The following ERGIC1 variants were observed in gnomAD, a reference collection of about 807,000 sequenced individuals.
The protein encoded by ERGIC1 is endoplasmic reticulum-Golgi intermediate compartment protein 1.
A neutral mutation model predicts 38.3 loss-of-function variants in ERGIC1; 19 were observed. That is an observed-to-expected ratio of 0.50 (90% CI 0.35 to 0.73). ERGIC1 has a LOEUF of 0.73. Among genes scored for constraint, ERGIC1 ranks in the 30% least tolerant of loss-of-function variants. ERGIC1 has a pLI of 0.01. For synonymous variants in ERGIC1, 124 were observed against 157.6 expected (o/e 0.79, Z 1.60); for missense variants, 294 against 389.2 (o/e 0.76, Z 2.06).
At chr5:172,865,301 C>G (rs1761827016) in intron 1 of ERGIC1, among the ~76,000 whole-genome samples, 1 of 152,132 alleles carries the variant, frequency 6.6e-6, no homozygotes, top group Admixed American at 6.5e-5. Flanking sequence ...GGTGATCCAC[C>G]CGCCTTGGCC....
At chr5:172,949,655 C>G (rs113113305) in intron 9 of ERGIC1, among the ~76,000 whole-genome samples, 46 of 142,528 alleles carry the variant, frequency 3.2e-4, no homozygotes, top group South Asian at 9.1e-4. Flanking sequence ...CACAGCGTGG[C>G]GGGGGGGGGT....
intron 1 of ERGIC1, among the ~76,000 whole-genome samples, chr5:172,843,748 AT>A (rs1439355582): frequency 6.6e-6 from 1 of 152,158 alleles, no homozygotes; most frequent in African/African-American, 2.4e-5. Flanking sequence ...TGACCCTCAC[AT>A]TGCACTCATT....
intron 1 of ERGIC1, among the ~76,000 whole-genome samples, chr5:172,850,046 C>T (rs542302509): frequency 1.7e-4 from 26 of 152,196 alleles, no homozygotes; most frequent in Admixed American, 5.9e-4. Flanking sequence ...GTGTCAACGT[C>T]GTGTGCTGAT....
At chr5:172,864,033 A>G (rs1184455675) in intron 1 of ERGIC1, among the ~76,000 whole-genome samples, 1 of 152,046 alleles carries the variant, frequency 6.6e-6, no homozygotes, top group Non-Finnish European at 1.5e-5. Flanking sequence ...TCTCTCTACT[A>G]GAAATACAAA....
Position 172,837,286 on chromosome 5 carries a change from C to T in ERGIC1, c.20+2853C>T, listed in dbSNP as rs73803635. Among the ~76,000 whole-genome samples the T allele has an allele frequency of 0.011, 1,644 of 152,208 alleles. 30 individuals carry two copies. Among genetic ancestry groups the T allele is most frequent in the African/African-American group, 0.038 (1,566 of 41,508 alleles). On this transcript the variant is annotated intron_variant, in intron 1 of 9. Coordinates refer to ENST00000393784, the MANE Select transcript of ERGIC1 (RefSeq NM_001031711.3). The surrounding 1 kb of genome is among the most constrained non-coding windows in gnomAD (Gnocchi z 4.3). ...AAATGGGAATGAGGAGAGTACTCAC[C>T]GAAGTAGAACAGTTGAGGGATGAGG...
At chr5:172,910,165 C>T (rs1258741623) in intron 4 of ERGIC1, among the ~76,000 whole-genome samples, 1 of 152,178 alleles carries the variant, frequency 6.6e-6, no homozygotes, top group African/African-American at 2.4e-5. Context: ...CCTGATCTCA[C>T]AGGATGCTGT....
chr5:172,927,579 C>CTT (rs35565131), intron 7 of ERGIC1, among the ~76,000 whole-genome samples: 20 of 131,266 alleles, frequency 1.5e-4, no homozygotes, highest in African/African-American at 3.7e-4. Flanking sequence ...CTCTGCTGTG[C>CTT]TTTTTTTTTT....
At chr5:172,841,274 A>G (rs993437238) in intron 1 of ERGIC1, among the ~76,000 whole-genome samples, 1 of 152,204 alleles carries the variant, frequency 6.6e-6, no homozygotes, top group East Asian at 1.9e-4. Flanking sequence ...GGGTGAACTC[A>G]GGGTTCTCCA....
chr5:172,908,815 A>T (rs906631880), intron 3 of ERGIC1, among the ~76,000 whole-genome samples: 1 of 152,228 alleles, frequency 6.6e-6, no homozygotes, highest in Non-Finnish European at 1.5e-5. Context: ...CAGGAAATTA[A>T]TACAGCCGTC....
chr5:172,909,781 C>G lies in ERGIC1; in HGVS notation c.250+20C>G. ...GCGAGTGTGAGTACTCCACGCAGCCCCTCCCTCCAGCAGGACACCTCCTTA... is the reference window on the plus strand; with the variant it reads ...GCGAGTGTGAGTACTCCACGCAGCCGCTCCCTCCAGCAGGACACCTCCTTA... On this transcript the variant is annotated intron_variant, in intron 4 of 9. Coordinates refer to ENST00000393784, the MANE Select transcript of ERGIC1 (RefSeq NM_001031711.3). The G allele has an allele frequency of 6.2e-7, 1 of 1,608,386 alleles. No individual in the cohort carries two copies. Among genetic ancestry groups the G allele is most frequent in the African/African-American group, 1.3e-5 (1 of 74,934 alleles).
At position 172,860,905 on chromosome 5, in the gene ERGIC1, G is replaced by T. The variant is rs548881218; in HGVS notation, c.20+26472G>T. Among the ~76,000 whole-genome samples, 4 of 152,322 alleles carry T rather than the reference G, an allele frequency of 2.6e-5. No homozygotes were observed. The East Asian group carries it at 7.7e-4, about 29-fold the overall frequency. On this transcript the variant is annotated intron_variant, in intron 1 of 9. Transcript: ENST00000393784. ...ACCTAGGCTGGGACTGTGTGGGGAG[G>T]AAGGGCCGGCGAGAGCGGATGTAGG...
intron 9 of ERGIC1, among the ~76,000 whole-genome samples, chr5:172,945,822 T>C (rs886740349): frequency 6.6e-6 from 1 of 152,096 alleles, no homozygotes; most frequent in Non-Finnish European, 1.5e-5. Context: ...GTAGCTGGGA[T>C]TACAGGCACC....
chr5:172,936,492 T>G (rs1336881746), intron 9 of ERGIC1: 1 of 152,208 alleles, frequency 6.6e-6, no homozygotes, highest in Non-Finnish European at 1.5e-5. Context: ...GGACACAGAT[T>G]GTGAGGAATG....
intron 3 of ERGIC1, among the ~76,000 whole-genome samples, chr5:172,908,312 G>T (rs1211900032): frequency 2.6e-4 from 8 of 30,454 alleles, no homozygotes; most frequent in Non-Finnish European, 4.7e-4. Flanking sequence ...GGGGCGGGGG[G>T]GGGGGGAGAG....
At chr5:172,934,836 A>T (rs911860827) in intron 8 of ERGIC1, 4 of 318,546 alleles carry the variant, frequency 1.3e-5, no homozygotes, top group Non-Finnish European at 2.5e-5. Flanking sequence ...CCATTGTTGA[A>T]TAAATGAATG....
At chr5:172,932,677 C>T (rs1304072063) in intron 8 of ERGIC1, 141 bp downstream of exon 8, 6 of 784,666 alleles carry the variant, frequency 7.6e-6, no homozygotes, top group African/African-American at 1.7e-5. Flanking sequence ...TTGGGCCAGG[C>T]GCTGTCCCTG....
intron 1 of ERGIC1, among the ~76,000 whole-genome samples, chr5:172,848,487 T>C (rs1761331665): frequency 6.6e-6 from 1 of 152,194 alleles, no homozygotes; most frequent in African/African-American, 2.4e-5. Flanking sequence ...GCCACCCCTT[T>C]TCTGGCCGCA....
At chr5:172,948,662 G>A (rs1428036023) in intron 9 of ERGIC1, among the ~76,000 whole-genome samples, 2 of 152,222 alleles carry the variant, frequency 1.3e-5, no homozygotes, top group African/African-American at 2.4e-5. Context: ...TAGGGCTCCT[G>A]CTGCTCCGAG....
At chr5:172,925,126 T>C (rs1298675062) in intron 6 of ERGIC1, among the ~76,000 whole-genome samples, 1 of 152,028 alleles carries the variant, frequency 6.6e-6, no homozygotes, top group Admixed American at 6.5e-5. Flanking sequence ...TGATCCCAGC[T>C]ACTCAGGAGG....
Sources: gnomAD v4.1 joint callset for allele counts (sites outside exome capture counted in the v4.1 genomes callset) on GRCh38, gnomAD v4.1.1 for gene constraint, Gnocchi (gnomAD v3.1) non-coding constraint, MANE v1.5 for transcripts, NCBI Gene and HGNC (gene_info 2026-07-23, HGNC 2026-07-21) for gene names.